TENM2: variants seen among roughly 807,000 people sequenced by gnomAD.
TENM2 encodes the protein teneurin transmembrane protein 2.
TENM2 carries 52 observed loss-of-function variants against 245.2 expected under a neutral mutation model. That is an observed-to-expected ratio of 0.21 (90% CI 0.17 to 0.27). The LOEUF is 0.27. TENM2 is among the 10% of genes least tolerant of loss of function. The probability of loss-of-function intolerance (pLI) is 1.00; values close to 1 mark genes in which losing one functional copy is unlikely to be tolerated. For missense variants in TENM2, 3,046 were observed against 3,666.8 expected (o/e 0.83, Z 4.37); for synonymous variants, 1,363 against 1,438.9 (o/e 0.95, Z 1.19).
intron 4 of TENM2, among the ~76,000 whole-genome samples, chr5:167,954,258 T>C (rs1255760917): frequency 6.6e-6 from 1 of 152,130 alleles, no homozygotes; most frequent in Non-Finnish European, 1.5e-5. Flanking sequence ...AAGTAAACGT[T>C]ATAACAACCA....
the TENM2 span, among the ~76,000 whole-genome samples, chr5:167,270,260 G>T: frequency 2.0e-5 from 3 of 152,086 alleles, no homozygotes; most frequent in African/African-American, 7.2e-5. Context: ...TTAGAATACT[G>T]GTACTTAACT....
At chr5:168,122,325 G>A (rs753572130) in intron 10 of TENM2, among the ~76,000 whole-genome samples, 4 of 152,012 alleles carry the variant, frequency 2.6e-5, no homozygotes, top group Non-Finnish European at 2.9e-5. Context: ...TACAGGCACC[G>A]GCCACCACGC....
At chr5:167,198,409 C>T in the TENM2 span, among the ~76,000 whole-genome samples, 1 of 152,114 alleles carries the variant, frequency 6.6e-6, no homozygotes, top group African/African-American at 2.4e-5. Flanking sequence ...AGCCAGCTTA[C>T]AACTTCTGAT....
At chr5:167,229,951 G>C in the TENM2 span, among the ~76,000 whole-genome samples, 4 of 152,188 alleles carry the variant, frequency 2.6e-5, no homozygotes, top group Admixed American at 1.3e-4. Flanking sequence ...TTCCACAGCT[G>C]TAGCAGTCAT....
intron 2 of TENM2, among the ~76,000 whole-genome samples, chr5:167,788,018 T>A (rs1372552715): frequency 6.6e-6 from 1 of 152,244 alleles, no homozygotes; most frequent in Non-Finnish European, 1.5e-5. Context: ...TAATTCTTTT[T>A]ATTTTACCAT....
upstream of TENM2, chr5:167,284,752 C>T: frequency 1.0e-5 from 10 of 997,568 alleles, no homozygotes; most frequent in Admixed American, 6.5e-5. Context: ...GTTTTTTCTT[C>T]TATGTTTTCA....
intron 1 of TENM2, among the ~76,000 whole-genome samples, chr5:167,300,289 GC>G (rs1755231227): frequency 6.6e-6 from 1 of 152,188 alleles, no homozygotes; most frequent in Non-Finnish European, 1.5e-5. Context: ...TGTCTGTGAA[GC>G]CTTGCGGCAG....
chr5:167,821,154 G>GTT (rs974232135), intron 2 of TENM2: 11 of 152,182 alleles, frequency 7.2e-5, no homozygotes, highest in Non-Finnish European at 1.5e-4. Context: ...TTTAGAAAAG[G>GTT]ACCTCAGGGA....
chr5:168,171,772 T>A (rs757268592), intron 13 of TENM2, among the ~76,000 whole-genome samples: 6 of 152,236 alleles, frequency 3.9e-5, no homozygotes, highest in South Asian at 2.1e-4. Flanking sequence ...TGAAAAAAAA[T>A]TTTAATCATG....
chr5:168,195,143 T>C, intron 14 of TENM2, 33 bp from the exon 17 acceptor site: 1 of 1,563,364 alleles, frequency 6.4e-7, no homozygotes, highest in Non-Finnish European at 8.7e-7. Flanking sequence ...CTCCTGCATG[T>C]GGCTCAAAGA....
In TENM2 at chr5:167,348,439, A is replaced by G. The variant is rs79734818; in HGVS notation, c.227-26759A>G. Among the ~76,000 whole-genome samples, 117 of 152,244 alleles carry G rather than the reference A, an allele frequency of 7.7e-4. No individual in the cohort carries two copies. The East Asian group carries it at 0.019, about 25-fold the overall frequency. ...GCCATTGACGAGCCGGCAATTCTCC[A>G]AGGGGCGCTTATCCTGGCGACAGCT... On this transcript the variant is annotated intron_variant, in intron 1 of 28. Coordinates refer to ENST00000518659, the Ensembl canonical transcript of TENM2.
chr5:167,848,008 A>G (rs1770207848), intron 2 of TENM2, among the ~76,000 whole-genome samples: 1 of 152,206 alleles, frequency 6.6e-6, no homozygotes, highest in Non-Finnish European at 1.5e-5. Flanking sequence ...TCCAGAATAT[A>G]TGTTCATTCT....
At chr5:167,755,031 C>A in intron 2 of TENM2, 1 of 1,587,398 alleles carries the variant, frequency 6.3e-7, no homozygotes, top group Non-Finnish European at 8.5e-7. Flanking sequence ...AAACGAAGAG[C>A]GGCCCACTCC....
chr5:168,229,229 A>G lies in TENM2; in HGVS notation c.5520+1099A>G, dbSNP rs11272049. 4.3e-4 allele frequency among the ~76,000 whole-genome samples: 66 copies of G among 151,938 alleles called. 1 individual carries two copies. The highest frequency in any genetic ancestry group is 3.7e-3 in the East Asian group (19 of 5,150). On this transcript the variant is annotated intron_variant, in intron 25 of 28. Transcript: ENST00000518659. ...AGCTAAATTACCTGTCCAAGGACAC[A>G]ATAGCTAGAAAGGGCAATGCCAGGA...
chr5:167,482,793 ATATTAAG>A (rs879629161), intron 2 of TENM2, among the ~76,000 whole-genome samples: 1 of 152,240 alleles, frequency 6.6e-6, no homozygotes, highest in Non-Finnish European at 1.5e-5. Context: ...GGCAACAGTT[ATATTAAG>A]TGAGGTAATT....
intron 1 of TENM2, among the ~76,000 whole-genome samples, chr5:167,306,777 A>C (rs1755702447): frequency 6.6e-6 from 1 of 152,180 alleles, no homozygotes; most frequent in Admixed American, 6.5e-5. Context: ...GTAACACCAT[A>C]ATACCCTCTT....
At chr5:167,440,245 G>A (rs1286650458) in intron 2 of TENM2, among the ~76,000 whole-genome samples, 1 of 151,842 alleles carries the variant, frequency 6.6e-6, no homozygotes, top group Non-Finnish European at 1.5e-5. Flanking sequence ...ATGTTTTTTT[G>A]TTATTGAATA....
chr5:167,522,329 A>G (rs1393527135), intron 2 of TENM2, among the ~76,000 whole-genome samples: 1 of 152,170 alleles, frequency 6.6e-6, no homozygotes, highest in Non-Finnish European at 1.5e-5. Flanking sequence ...TGGAACTCAC[A>G]GTCAGCCTTA....
Position 168,247,139 on chromosome 5 carries a change from A to T in TENM2, c.6200A>T (p.Lys2067Met), listed in dbSNP as rs1488997543. The T allele has an allele frequency of 1.9e-6, 3 of 1,613,888 alleles. No homozygotes were observed. The highest frequency in any genetic ancestry group is 2.5e-6 in the Non-Finnish European group (3 of 1,179,872). ...TTCTCCTGCACCATCAGGTACCGGA[A>T]GATTGGCCCCCTGGTGGACAAGCAG... Residue 2067 changes from lysine (K) to methionine (M), a missense_variant, in exon 27 of 29, where the codon AAG (lysine) becomes ATG (methionine). Lys to Met is a moderately conservative substitution (Grantham distance 95). This residue lies in a region of TENM2 where 2,704 missense variants were observed against 3,331.9 expected (regional missense o/e 0.81). Transcript: ENST00000518659. The surrounding 1 kb of genome is among the most constrained non-coding windows in gnomAD (Gnocchi z 7.8).
Sources: gnomAD v4.1 joint callset for allele counts (sites outside exome capture counted in the v4.1 genomes callset) on GRCh38, gnomAD v4.1.1 for gene constraint, gnomAD v4.1.1 regional missense constraint, Gnocchi (gnomAD v3.1) non-coding constraint, MANE v1.5 for transcripts, NCBI Gene and HGNC (gene_info 2026-07-23, HGNC 2026-07-21) for gene names.